RGS6: variants seen among roughly 807,000 people sequenced by gnomAD.
RGS6 encodes regulator of G-protein signaling 6.
Under a neutral mutation model 78.5 loss-of-function variants are expected in RGS6, and 30 were observed. The observed-to-expected ratio is 0.38, with a 90% CI of 0.29 to 0.52. The LOEUF is 0.52. RGS6 is among the 20% of genes least tolerant of loss of function. The probability of loss-of-function intolerance (pLI) is 0.85; values close to 1 mark genes in which losing one functional copy is unlikely to be tolerated. For missense variants in RGS6, 495 were observed against 609.7 expected, an observed-to-expected ratio of 0.81 and a Z score of 1.98; for synonymous variants, 206 against 206.0, an observed-to-expected ratio of 1.00 and a Z score of 0.00.
At chr14:71,975,891 C>T (rs1379888220) in intron 2 of RGS6, among the ~76,000 whole-genome samples, 5 of 152,072 alleles carry the variant, frequency 3.3e-5, no homozygotes. Flanking sequence ...ATGCTCTTTT[C>T]TGTATTTTTT....
chr14:72,183,238 A>G (rs188882087), intron 2 of RGS6, among the ~76,000 whole-genome samples: 15 of 152,344 alleles, frequency 9.8e-5, no homozygotes, highest in African/African-American at 2.6e-4. Flanking sequence ...TCTGCTGGGA[A>G]AAAGACCATC....
chr14:72,438,060 AG>A (rs1352425226), intron 3 of RGS6, among the ~76,000 whole-genome samples: 7 of 152,116 alleles, frequency 4.6e-5, no homozygotes, highest in Non-Finnish European at 8.8e-5. Context: ...AGCAGGAAAA[AG>A]GGGGGTGGAA....
chr14:72,352,071 C>T (rs892563843), intron 2 of RGS6, 24 bp from the exon 3 acceptor site: 1 of 1,540,482 alleles, frequency 6.5e-7, no homozygotes, highest in Non-Finnish European at 8.9e-7. Flanking sequence ...GAAAATAACA[C>T]TTCTTTTCTT....
At chr14:72,127,230 C>T (rs2096216672) in intron 2 of RGS6, among the ~76,000 whole-genome samples, 1 of 152,134 alleles carries the variant, frequency 6.6e-6, no homozygotes, top group Non-Finnish European at 1.5e-5. Flanking sequence ...GATATAAAGT[C>T]ACTGACCTAT....
At chr14:72,133,478 T>G (rs1289113032) in intron 2 of RGS6, among the ~76,000 whole-genome samples, 4 of 152,096 alleles carry the variant, frequency 2.6e-5, no homozygotes, top group African/African-American at 9.7e-5. Context: ...ACTGAACAAT[T>G]AAGTCTACTA....
the RGS6 span, among the ~76,000 whole-genome samples, chr14:72,592,988 C>T: frequency 6.6e-6 from 1 of 152,160 alleles, no homozygotes; most frequent in Non-Finnish European, 1.5e-5. Flanking sequence ...TCACAGTGGG[C>T]CCTGTCCAAG....
chr14:72,150,453 G>A (rs533667727), intron 2 of RGS6, among the ~76,000 whole-genome samples: 15 of 152,150 alleles, frequency 9.9e-5, no homozygotes, highest in African/African-American at 2.2e-4. Flanking sequence ...AATTATACAC[G>A]AAGTTAGAGC....
At chr14:72,357,329 C>T (rs940720292) in intron 3 of RGS6, among the ~76,000 whole-genome samples, 10 of 150,950 alleles carry the variant, frequency 6.6e-5, no homozygotes, top group Admixed American at 5.3e-4. Flanking sequence ...GAGGAAGGAA[C>T]AGTTTGAAGG....
chr14:72,471,096 A>T (rs1260100934), intron 8 of RGS6, among the ~76,000 whole-genome samples: 2 of 152,172 alleles, frequency 1.3e-5, no homozygotes, highest in East Asian at 3.9e-4. Flanking sequence ...ATGGGGGCCC[A>T]GAGAGGGAGA....
intron 2 of RGS6, among the ~76,000 whole-genome samples, chr14:72,264,485 C>T (rs2058702115): frequency 6.6e-6 from 1 of 152,168 alleles, no homozygotes; most frequent in Non-Finnish European, 1.5e-5. Flanking sequence ...TAAAGTACAA[C>T]TTATTTTCCG....
chr14:72,431,061 C>T (rs1415080104), intron 3 of RGS6, among the ~76,000 whole-genome samples: 1 of 152,174 alleles, frequency 6.6e-6, no homozygotes, highest in Non-Finnish European at 1.5e-5. Flanking sequence ...TTGCATCACA[C>T]ATGCAGCAAA....
chr14:72,258,896 T>C (rs1222829443), intron 2 of RGS6, among the ~76,000 whole-genome samples: 2 of 152,196 alleles, frequency 1.3e-5, no homozygotes, highest in African/African-American at 4.8e-5. Flanking sequence ...ATATGCTTGC[T>C]AGGAATGAGC....
At chr14:71,975,756 T>C (rs1052524038) in intron 2 of RGS6, among the ~76,000 whole-genome samples, 1 of 152,182 alleles carries the variant, frequency 6.6e-6, no homozygotes, top group African/African-American at 2.4e-5. Context: ...CATGCCCGAC[T>C]GTGCTTGGGA....
At chr14:72,163,699 G>A (rs1598650986) in intron 2 of RGS6, among the ~76,000 whole-genome samples, 1 of 151,952 alleles carries the variant, frequency 6.6e-6, no homozygotes, top group Admixed American at 6.6e-5. Flanking sequence ...CCTGGCCAAC[G>A]TGGTGAAACC....
intron 2 of RGS6, among the ~76,000 whole-genome samples, chr14:72,263,028 G>A (rs568690532): frequency 1.6e-4 from 24 of 152,172 alleles, no homozygotes; most frequent in Admixed American, 1.3e-4. Context: ...GACTGCCCCC[G>A]CCTGGGTTAG....
chr14:72,387,573 A>C (rs573170648), intron 3 of RGS6, among the ~76,000 whole-genome samples: 1 of 151,794 alleles, frequency 6.6e-6, no homozygotes, highest in Non-Finnish European at 1.5e-5. Context: ...AAGGAGAGGG[A>C]TATTTGAGAT....
chr14:72,426,731 C>T (rs954160966), intron 3 of RGS6, among the ~76,000 whole-genome samples: 3 of 152,228 alleles, frequency 2.0e-5, no homozygotes, highest in Non-Finnish European at 4.4e-5. Flanking sequence ...CTCTCTTAAG[C>T]TCCTTTTCCA....
intron 2 of RGS6, among the ~76,000 whole-genome samples, chr14:72,307,699 CTTGT>C (rs1267566329): frequency 6.6e-6 from 1 of 151,922 alleles, no homozygotes. Context: ...TTTCCTTATT[CTTGT>C]TTATTTTGTT....
chr14:72,406,394 TAAG>T (rs1322780021), intron 3 of RGS6, among the ~76,000 whole-genome samples: 1 of 150,668 alleles, frequency 6.6e-6, no homozygotes, highest in Non-Finnish European at 1.5e-5. Flanking sequence ...AAAAAAAAAA[TAAG>T]AAACTGCTAT....
Sources: gnomAD v4.1 joint callset for allele counts (sites outside exome capture counted in the v4.1 genomes callset) on GRCh38, gnomAD v4.1.1 for gene constraint, MANE v1.5 for transcripts, NCBI Gene and HGNC (gene_info 2026-07-23, HGNC 2026-07-21) for gene names.